Variants in WWOX observed in about 807,000 individuals in gnomAD.
WWOX encodes the protein WW domain-containing oxidoreductase.
Under a neutral mutation model 46.2 loss-of-function variants are expected in WWOX, and 69 were observed. The ratio of observed to expected loss-of-function variants is 1.49; its 90% CI spans 1.23 to 1.82. WWOX has a LOEUF of 1.82. WWOX is among the 40% of genes most tolerant of loss of function. WWOX has a pLI of 0.00. For synonymous variants in WWOX, 359 were observed against 202.6 expected, an observed-to-expected ratio of 1.77 and a Z score of -6.56; for missense variants, 919 against 542.6, an observed-to-expected ratio of 1.69 and a Z score of -6.89.
At chr16:78,884,950 G>C (rs772649266) in intron 8 of WWOX, among the ~76,000 whole-genome samples, 62 of 152,126 alleles carry the variant, frequency 4.1e-4, no homozygotes, top group Non-Finnish European at 7.5e-4. Context: ...ATGTTACCCA[G>C]TCATTAATGC....
intron 8 of WWOX, among the ~76,000 whole-genome samples, chr16:78,546,970 T>C (rs1398225820): frequency 2.6e-5 from 4 of 151,106 alleles, no homozygotes; most frequent in African/African-American, 9.8e-5. Flanking sequence ...CTACAAAAAA[T>C]AGAAAAAATT....
chr16:78,818,791 T>G (rs990063306), intron 8 of WWOX, among the ~76,000 whole-genome samples: 2 of 152,222 alleles, frequency 1.3e-5, no homozygotes, highest in African/African-American at 4.8e-5. Context: ...CTTTTCTGAA[T>G]TGGAGCCAGT....
chr16:78,195,059 A>G, intron 5 of WWOX, among the ~76,000 whole-genome samples: 1 of 151,996 alleles, frequency 6.6e-6, no homozygotes, highest in East Asian at 1.9e-4. Context: ...GCTAACTGGG[A>G]CCCCAGTGGG....
intron 6 of WWOX, among the ~76,000 whole-genome samples, chr16:78,391,685 TA>T (rs1392986813): frequency 2.0e-5 from 3 of 152,108 alleles, no homozygotes; most frequent in African/African-American, 7.2e-5. Flanking sequence ...CCGTCTGTAC[TA>T]AAAATACAAA....
At chr16:78,506,889 T>C (rs1278409567) in intron 8 of WWOX, among the ~76,000 whole-genome samples, 1 of 152,064 alleles carries the variant, frequency 6.6e-6, no homozygotes, top group African/African-American at 2.4e-5. Context: ...ATTTTTTGTA[T>C]TTTTAGTAGA....
chr16:79,199,175 G>T (rs144281983), intron 8 of WWOX, among the ~76,000 whole-genome samples: 3 of 152,138 alleles, frequency 2.0e-5, no homozygotes, highest in Non-Finnish European at 4.4e-5. Context: ...CCATCCTCCC[G>T]CCTCAGCCTC....
At chr16:78,176,944 C>T (rs1251891018) in intron 5 of WWOX, among the ~76,000 whole-genome samples, 5 of 152,174 alleles carry the variant, frequency 3.3e-5, no homozygotes, top group African/African-American at 7.2e-5. Flanking sequence ...CATGGTGCTA[C>T]TCAAAGCATG....
intron 8 of WWOX, among the ~76,000 whole-genome samples, chr16:78,728,677 G>A (rs529276422): frequency 1.3e-5 from 2 of 152,300 alleles, no homozygotes; most frequent in South Asian, 4.2e-4. Flanking sequence ...ACTGCACTTT[G>A]ACAACCACAG....
chr16:78,541,868 C>T (rs1351206818), intron 8 of WWOX, among the ~76,000 whole-genome samples: 1 of 152,014 alleles, frequency 6.6e-6, no homozygotes. Flanking sequence ...CTGTTGTGAA[C>T]ATACGTTGCT....
chr16:78,760,064 A>C (rs1446269088), intron 8 of WWOX, among the ~76,000 whole-genome samples: 2 of 152,172 alleles, frequency 1.3e-5, no homozygotes, highest in Non-Finnish European at 2.9e-5. Context: ...AGACATACCC[A>C]AAACTGGGTA....
In WWOX at chr16:79,121,379, A is replaced by G. The variant is rs1040701909; in HGVS notation, c.1057-90229A>G. ...GGAAAAAATTTTACGCATTGTGTTT[A>G]CAACAGAATATATAACATGGCTTAG... is the stretch of plus-strand genomic sequence containing the variant. On this transcript the variant is annotated intron_variant, in intron 8 of 8. Coordinates refer to ENST00000566780, the MANE Select transcript of WWOX (RefSeq NM_016373.4). 3.3e-5 allele frequency among the ~76,000 whole-genome samples: 5 copies of G among 152,360 alleles called. No individual in the cohort carries two copies. In the East Asian group the frequency reaches 9.6e-4, roughly 29 times the overall value.
chr16:78,379,514 C>T (rs915507987), intron 5 of WWOX, among the ~76,000 whole-genome samples: 4 of 152,186 alleles, frequency 2.6e-5, no homozygotes, highest in Admixed American at 1.3e-4. Flanking sequence ...GCTTCCAACA[C>T]AGCATAACAA....
chr16:79,152,426 C>T (rs1219245797), intron 8 of WWOX, among the ~76,000 whole-genome samples: 2 of 152,122 alleles, frequency 1.3e-5, no homozygotes, highest in Admixed American at 6.5e-5. Context: ...AATCCCAGCA[C>T]TTTGGGACGA....
At chr16:78,120,142 C>G (rs2033014327) in intron 4 of WWOX, among the ~76,000 whole-genome samples, 1 of 152,138 alleles carries the variant, frequency 6.6e-6, no homozygotes, top group Admixed American at 6.5e-5. Context: ...ACAAAATCAC[C>G]TCTCTAACGT....
At chr16:78,273,841 G>A (rs1312340647) in intron 5 of WWOX, among the ~76,000 whole-genome samples, 2 of 152,184 alleles carry the variant, frequency 1.3e-5, no homozygotes, top group African/African-American at 4.8e-5. Flanking sequence ...GCTGAAGATA[G>A]GAGGAGTCCT....
intron 8 of WWOX, among the ~76,000 whole-genome samples, chr16:78,865,032 T>G (rs11643100): frequency 0.46 from 69,330 of 151,716 alleles, 16,092 homozygotes; most frequent in African/African-American, 0.51. Flanking sequence ...CAAAGTGCTG[T>G]GATTACAGGC....
At chr16:78,176,902 A>G (rs2035365954) in intron 5 of WWOX, among the ~76,000 whole-genome samples, 1 of 152,154 alleles carries the variant, frequency 6.6e-6, no homozygotes, top group African/African-American at 2.4e-5. Context: ...TCATTGATTA[A>G]ACTTTGTGGT....
In WWOX at chr16:78,144,574, T is replaced by G. The variant is rs180692766; in HGVS notation, c.410-19609T>G. 5.0e-3 allele frequency among the ~76,000 whole-genome samples: 679 copies of G among 136,790 alleles called. 4 individuals carry two copies. The highest frequency in any genetic ancestry group is 8.1e-3 in the Middle Eastern group (2 of 248). The allele number at this position is 136,790 out of a possible 152,430, so 89.7% of individuals were successfully genotyped here. A position where few individuals can be genotyped will look rare whatever the true frequency, so the allele number is the denominator to read the frequency against. On this transcript the variant is annotated intron_variant, in intron 4 of 8. Coordinates refer to ENST00000566780, the MANE Select transcript of WWOX (RefSeq NM_016373.4). ...TTTTACTCTGTCGCCCAGGCTGGAG[T>G]ACAGTGGCGCGATCTGAGCTCACTG...
chr16:78,390,701 T>G (rs1446792190), intron 6 of WWOX, among the ~76,000 whole-genome samples: 2 of 152,194 alleles, frequency 1.3e-5, no homozygotes, highest in African/African-American at 2.4e-5. Flanking sequence ...GAAGTGAATT[T>G]AAGTGCTGGT....
Sources: allele counts gnomAD v4.1 joint callset (sites outside exome capture counted in the v4.1 genomes callset), GRCh38; gene constraint gnomAD v4.1.1; transcripts MANE v1.5; gene names NCBI Gene and HGNC (gene_info 2026-07-23, HGNC 2026-07-21).